Variants in SOX6 observed in about 807,000 individuals in gnomAD.
The protein encoded by SOX6 is transcription factor SOX-6.
Under a neutral mutation model 97.8 loss-of-function variants are expected in SOX6, and 11 were observed. The observed-to-expected ratio is 0.11, with a 90% CI of 0.07 to 0.19. SOX6 has a LOEUF of 0.19. SOX6 is among the 10% of genes least tolerant of loss of function. The pLI is 1.00. For missense variants in SOX6, 810 were observed against 1,039.5 expected (o/e 0.78, Z 3.04); for synonymous variants, 360 against 371.4 (o/e 0.97, Z 0.35).
At chr11:16,163,505 C>T (rs1850808397) in intron 6 of SOX6, among the ~76,000 whole-genome samples, 1 of 152,148 alleles carries the variant, frequency 6.6e-6, no homozygotes, top group Non-Finnish European at 1.5e-5. Context: ...TAGCATTCAT[C>T]AAACAATGGT....
intron 3 of SOX6, among the ~76,000 whole-genome samples, chr11:16,640,508 T>G (rs1564855782): frequency 6.6e-6 from 1 of 152,214 alleles, no homozygotes; most frequent in East Asian, 1.9e-4. Context: ...CTTGTACCTC[T>G]GGTAGAATTC....
At chr11:16,264,213 G>T (rs957644067) in intron 3 of SOX6, among the ~76,000 whole-genome samples, 8 of 151,612 alleles carry the variant, frequency 5.3e-5, no homozygotes, top group African/African-American at 9.7e-5. Flanking sequence ...TACTCCATTT[G>T]CACCCATCAT....
At chr11:16,339,068 TC>T (rs1856550728) in intron 2 of SOX6, among the ~76,000 whole-genome samples, 1 of 152,060 alleles carries the variant, frequency 6.6e-6, no homozygotes, top group African/African-American at 2.4e-5. Flanking sequence ...CTTAAACCCA[TC>T]CTTTCTCTCT....
chr11:16,288,391 C>T (rs1854813373), intron 3 of SOX6, among the ~76,000 whole-genome samples: 2 of 151,862 alleles, frequency 1.3e-5, no homozygotes, highest in Admixed American at 6.6e-5. Context: ...TTTACCATTC[C>T]CATCCTCATA....
chr11:16,304,744 T>A (rs2134279484), intron 3 of SOX6, among the ~76,000 whole-genome samples: 1 of 152,252 alleles, frequency 6.6e-6, no homozygotes, highest in Non-Finnish European at 1.5e-5. Flanking sequence ...TTTGTTCTGT[T>A]TTATTTTGTA....
At chr11:16,065,756 A>G (rs1848080010) in intron 9 of SOX6, among the ~76,000 whole-genome samples, 1 of 152,156 alleles carries the variant, frequency 6.6e-6, no homozygotes, top group Non-Finnish European at 1.5e-5. Flanking sequence ...CAAAAATCAA[A>G]TCCAAATGAA....
At chr11:15,996,163 C>G (rs139626935) in intron 13 of SOX6, among the ~76,000 whole-genome samples, 2 of 151,966 alleles carry the variant, frequency 1.3e-5, no homozygotes, top group African/African-American at 4.8e-5. Flanking sequence ...GGACTTATAA[C>G]ATATAAAAAG....
chr11:16,616,485 G>T (rs996657867), intron 3 of SOX6, among the ~76,000 whole-genome samples: 1 of 151,668 alleles, frequency 6.6e-6, no homozygotes, highest in South Asian at 2.1e-4. Flanking sequence ...TTTTGTGTGC[G>T]TATTTTTTTT....
chr11:16,709,676 CA>C (rs1848162508), intron 3 of SOX6, among the ~76,000 whole-genome samples: 1 of 152,158 alleles, frequency 6.6e-6, no homozygotes, highest in Non-Finnish European at 1.5e-5. Flanking sequence ...AACTGTGAGC[CA>C]ATTAAACCTC....
chr11:16,053,943 G>T (rs1590163336), intron 10 of SOX6, among the ~76,000 whole-genome samples: 1 of 151,760 alleles, frequency 6.6e-6, no homozygotes, highest in East Asian at 1.9e-4. Flanking sequence ...TTTATGTTTT[G>T]GTCTATATAT....
chr11:16,267,932 A>T lies in SOX6; in HGVS notation c.446-33261T>A, dbSNP rs189420489. ...AATTGGAGAACATCATGCTAAGTCAAATAAGCCAAACACAGAAAGACAAAT... is the reference window on the plus strand; with the variant it reads ...AATTGGAGAACATCATGCTAAGTCATATAAGCCAAACACAGAAAGACAAAT... On this transcript the variant is annotated intron_variant, in intron 3 of 15. Coordinates refer to ENST00000683767, the MANE Select transcript of SOX6 (RefSeq NM_001367873.1). Among the ~76,000 whole-genome samples the T allele has an allele frequency of 5.1e-3, 773 of 151,628 alleles. 13 individuals carry two copies. Among genetic ancestry groups the T allele is most frequent in the Non-Finnish European group, 5.3e-3 (355 of 67,580 alleles).
chr11:16,544,426 T>G (rs1178572263), intron 4 of SOX6, among the ~76,000 whole-genome samples: 1 of 152,062 alleles, frequency 6.6e-6, no homozygotes, highest in Non-Finnish European at 1.5e-5. Flanking sequence ...GCCTGGCTAA[T>G]TTTTTAAAAC....
At chr11:16,156,350 C>T (rs749560432) in intron 6 of SOX6, among the ~76,000 whole-genome samples, 1 of 151,928 alleles carries the variant, frequency 6.6e-6, no homozygotes, top group African/African-American at 2.4e-5. Flanking sequence ...TCTATTACTC[C>T]ACCCTTTAAA....
intron 2 of SOX6, among the ~76,000 whole-genome samples, chr11:16,716,366 A>G (rs777456684): frequency 6.6e-6 from 1 of 152,230 alleles, no homozygotes; most frequent in Non-Finnish European, 1.5e-5. Flanking sequence ...CAACATAGAG[A>G]GAACCCATCT....
chr11:16,035,719 AT>A (rs1213069045), intron 12 of SOX6, among the ~76,000 whole-genome samples: 1 of 152,208 alleles, frequency 6.6e-6, no homozygotes, highest in Non-Finnish European at 1.5e-5. Context: ...AGGAAATGTA[AT>A]GTTCTATTTA....
intron 1 of SOX6, among the ~76,000 whole-genome samples, chr11:16,349,186 T>C (rs774757127): frequency 4.6e-5 from 7 of 152,200 alleles, no homozygotes; most frequent in Non-Finnish European, 8.8e-5. Context: ...AGTGATTTTA[T>C]TTCATAACTA....
chr11:16,344,959 T>C (rs929559598), intron 1 of SOX6, among the ~76,000 whole-genome samples: 1 of 152,008 alleles, frequency 6.6e-6, no homozygotes, highest in East Asian at 1.9e-4. Flanking sequence ...TTCTAAACTA[T>C]CCTCGCTCAT....
intron 6 of SOX6, among the ~76,000 whole-genome samples, chr11:16,116,405 T>C (rs1275811234): frequency 6.6e-6 from 1 of 152,188 alleles, no homozygotes; most frequent in Admixed American, 6.5e-5. Flanking sequence ...AGGACTCAAG[T>C]CCAGATATGT....
chr11:16,348,062 A>C (rs1246278243), intron 1 of SOX6, among the ~76,000 whole-genome samples: 4 of 151,762 alleles, frequency 2.6e-5, no homozygotes, highest in African/African-American at 9.7e-5. Context: ...AGAGGAGGGG[A>C]AAAGGGGAGA....
Sources: gnomAD v4.1 joint callset for allele counts (sites outside exome capture counted in the v4.1 genomes callset) on GRCh38, gnomAD v4.1.1 for gene constraint, MANE v1.5 for transcripts, NCBI Gene and HGNC (gene_info 2026-07-23, HGNC 2026-07-21) for gene names.